Variants in CACNA1C observed in about 807,000 individuals in gnomAD.
CACNA1C encodes the protein voltage-dependent L-type calcium channel subunit alpha-1C.
A neutral mutation model predicts 229.0 loss-of-function variants in CACNA1C; 30 were observed. The observed-to-expected ratio is 0.13, with a 90% confidence interval of 0.10 to 0.18. The LOEUF is 0.18. Ranked by LOEUF, CACNA1C falls within the 10% of genes least tolerant of loss-of-function variation. The pLI, the probability that CACNA1C is intolerant of heterozygous loss-of-function variation, is 1.00. For missense variants in CACNA1C, 1,658 were observed against 2,845.0 expected, an observed-to-expected ratio of 0.58 and a Z score of 9.49; for synonymous variants, 1,114 against 1,132.5, an observed-to-expected ratio of 0.98 and a Z score of 0.33.
intron 3 of CACNA1C, among the ~76,000 whole-genome samples, chr12:2,279,039 G>T (rs1472101415): frequency 6.6e-6 from 1 of 152,094 alleles, no homozygotes; most frequent in Non-Finnish European, 1.5e-5. Flanking sequence ...ATATTTTTTG[G>T]TGAAGTATCT....
intron 34 of CACNA1C, among the ~76,000 whole-genome samples, chr12:2,662,028 G>A (rs998936194): frequency 1.3e-5 from 2 of 152,164 alleles, no homozygotes; most frequent in African/African-American, 4.8e-5. Context: ...GGATCACGAG[G>A]TCAGGAGATC....
In CACNA1C at chr12:2,653,727, CG is replaced by C; in HGVS notation, c.4075-105del. 3.3e-6 allele frequency: 3 copies of C among 916,750 alleles called. No homozygotes were observed. The highest frequency in any genetic ancestry group is 5.2e-6 in the Non-Finnish European group (3 of 571,560). 56.8% of individuals were successfully genotyped at this position (916,750 alleles called of 1,614,324 possible). On this transcript the variant is annotated intron_variant, in intron 32 of 46. Transcript: ENST00000399655. The surrounding 1 kb of genome is among the most constrained non-coding windows in gnomAD (Gnocchi z 4.7). The stretch of plus-strand genomic sequence containing the variant: ...CTTGGAAGTGTCCCCCGGCCCAAAC[CG>C]GGCAATAGCTGATGGCTGCAGAGAC...
At chr12:2,675,215 T>C (rs116401362) in intron 39 of CACNA1C, among the ~76,000 whole-genome samples, 2,286 of 152,276 alleles carry the variant, frequency 0.015, 67 homozygotes, top group African/African-American at 0.052. Context: ...TTCCAAAATA[T>C]TAATATAATG....
intron 3 of CACNA1C, among the ~76,000 whole-genome samples, chr12:2,316,729 C>A (rs2095709986): frequency 6.6e-6 from 1 of 152,168 alleles, no homozygotes; most frequent in Non-Finnish European, 1.5e-5. Context: ...CAGAAAACTC[C>A]CAAGTATCTG....
At chr12:1,977,972 A>G (rs547883952) in intron 1 of CACNA1C, among the ~76,000 whole-genome samples, 1 of 152,326 alleles carries the variant, frequency 6.6e-6, no homozygotes, top group East Asian at 1.9e-4. Context: ...TATATGTTTC[A>G]TTCTAGAGAA....
Position 2,647,160 on chromosome 12 carries a change from A to G in CACNA1C, c.3913-1315A>G, listed in dbSNP as rs2094448466. 6.6e-6 allele frequency among the ~76,000 whole-genome samples: 1 copy of G among 152,188 alleles called. No homozygotes were observed. ...CCATCCTTCAAAAATTCCATAACAC[A>G]TTTTCCTTGTTTGTACCTTAAAAAC... On this transcript the variant is annotated intron_variant, in intron 30 of 46. Coordinates refer to ENST00000399655, the MANE Select transcript of CACNA1C (RefSeq NM_000719.7). This position sits in a 1 kb window ranked among gnomAD's most constrained non-coding sequence, Gnocchi z 4.2.
intron 1 of CACNA1C, among the ~76,000 whole-genome samples, chr12:1,986,320 A>G (rs1409632732): frequency 6.6e-6 from 1 of 152,124 alleles, no homozygotes; most frequent in Non-Finnish European, 1.5e-5. Flanking sequence ...CCTCCTCTAG[A>G]ATTGCTCCCA....
At chr12:2,335,884 A>C (rs988092164) in intron 3 of CACNA1C, among the ~76,000 whole-genome samples, 3 of 150,156 alleles carry the variant, frequency 2.0e-5, no homozygotes, top group Non-Finnish European at 4.4e-5. Flanking sequence ...TGTTTTTCCC[A>C]AAAAAAAGTA....
intron 11 of CACNA1C, among the ~76,000 whole-genome samples, chr12:2,560,622 T>C (rs1238206614): frequency 1.3e-5 from 2 of 152,116 alleles, no homozygotes; most frequent in Non-Finnish European, 2.9e-5. Flanking sequence ...GGATCTCAAC[T>C]TTACGGAGTT....
intron 11 of CACNA1C, among the ~76,000 whole-genome samples, chr12:2,563,043 G>A (rs1464977767): frequency 6.6e-6 from 1 of 151,908 alleles, no homozygotes; most frequent in Non-Finnish European, 1.5e-5. Context: ...ACCCTTTCCA[G>A]CTTCTGGTAA....
intron 15 of CACNA1C, 41 bp from the exon 16 acceptor site, chr12:2,584,462 C>T (rs2061690763): frequency 6.6e-7 from 1 of 1,524,344 alleles, no homozygotes; most frequent in South Asian, 1.1e-5. Flanking sequence ...CACCAAAACC[C>T]CAAACCAAGG....
chr12:2,336,087 A>G (rs1289336247), intron 3 of CACNA1C, among the ~76,000 whole-genome samples: 1 of 151,766 alleles, frequency 6.6e-6, no homozygotes, highest in Non-Finnish European at 1.5e-5. Context: ...TTTCCTTACT[A>G]TTTTAAGCCA....
chr12:2,156,131 A>G (rs534213340), intron 3 of CACNA1C, among the ~76,000 whole-genome samples: 4 of 152,314 alleles, frequency 2.6e-5, no homozygotes, highest in South Asian at 2.1e-4. Flanking sequence ...AAATGAAGCT[A>G]TCTTTTAAGG....
At chr12:2,208,719 C>T (rs2097833672) in intron 3 of CACNA1C, among the ~76,000 whole-genome samples, 4 of 152,096 alleles carry the variant, frequency 2.6e-5, no homozygotes, top group Admixed American at 2.6e-4. Context: ...CAAATTGGAC[C>T]CCAGGGGTAG....
chr12:2,503,178 T>C (rs535958422), intron 7 of CACNA1C, among the ~76,000 whole-genome samples: 4 of 152,194 alleles, frequency 2.6e-5, no homozygotes, highest in Admixed American at 6.5e-5. Context: ...CGTGGGTTGC[T>C]GGGCCTTCCC....
intron 1 of CACNA1C, among the ~76,000 whole-genome samples, chr12:2,101,970 G>C (rs1019760561): frequency 6.6e-6 from 1 of 152,076 alleles, no homozygotes; most frequent in African/African-American, 2.4e-5. Flanking sequence ...AAAAGCCTTG[G>C]GACAGTTACG....
rs769555366 is a variant in CACNA1C, at chr12:2,354,801, C to T, written c.478-94175C>T. 1.1e-4 allele frequency among the ~76,000 whole-genome samples: 16 copies of T among 152,328 alleles called. No individual in the cohort carries two copies. Among genetic ancestry groups the T allele is most frequent in the South Asian group, 2.1e-4 (1 of 4,826 alleles). On this transcript the variant is annotated intron_variant, in intron 3 of 46. Transcript: ENST00000399655. The surrounding 1 kb of genome is among the most constrained non-coding windows in gnomAD (Gnocchi z 4.6). ...TGGCCTTGACTTCTGGTTCCATTCTCGTTTCCCTGGGCTGCTCTCCACCTT... is the reference window on the plus strand; with the variant it reads ...TGGCCTTGACTTCTGGTTCCATTCTTGTTTCCCTGGGCTGCTCTCCACCTT...
rs963166081 is a variant in CACNA1C, at chr12:2,665,930, C to T, written c.4526+222C>T. Among the ~76,000 whole-genome samples the T allele has an allele frequency of 9.9e-5, 15 of 152,200 alleles. No homozygotes were observed. The highest frequency in any genetic ancestry group is 3.6e-4 in the African/African-American group (15 of 41,446). ...CTAGGTTGGGTGGGGTGGCTCACAC[C>T]TGTAATCCCAGCATTTTAGAAGGCA... is the stretch of plus-strand genomic sequence containing the variant. On this transcript the variant is annotated intron_variant, in intron 36 of 46. Coordinates refer to ENST00000399655, the MANE Select transcript of CACNA1C (RefSeq NM_000719.7). The surrounding 1 kb of genome is among the most constrained non-coding windows in gnomAD (Gnocchi z 5.9).
intron 3 of CACNA1C, among the ~76,000 whole-genome samples, chr12:2,367,883 T>G (rs1860004): frequency 0.31 from 47,352 of 151,920 alleles, 8,256 homozygotes; most frequent in Non-Finnish European, 0.4. Flanking sequence ...AAGTTAAAAA[T>G]TTATTTAATA....
Sources: gnomAD v4.1 joint callset for allele counts (sites outside exome capture counted in the v4.1 genomes callset) on GRCh38, gnomAD v4.1.1 for gene constraint, Gnocchi (gnomAD v3.1) non-coding constraint, MANE v1.5 for transcripts, NCBI Gene and HGNC (gene_info 2026-07-23, HGNC 2026-07-21) for gene names.